Variants in C1orf198 observed in about 807,000 individuals in gnomAD.
C1orf198 encodes uncharacterized protein C1orf198.
In C1orf198, 17 loss-of-function variants were observed where a neutral mutation model predicts 31.4. The ratio of observed to expected loss-of-function variants is 0.54; its 90% CI spans 0.37 to 0.81. C1orf198 has a LOEUF of 0.81. Among genes scored for constraint, C1orf198 ranks in the 40% least tolerant of loss-of-function variants. The probability of loss-of-function intolerance (pLI) is 0.00; values close to 1 mark genes in which losing one functional copy is unlikely to be tolerated. For synonymous variants in C1orf198, 175 were observed against 193.8 expected, an observed-to-expected ratio of 0.90 and a Z score of 0.81; for missense variants, 401 against 450.3, an observed-to-expected ratio of 0.89 and a Z score of 0.99.
intron 2 of C1orf198, among the ~76,000 whole-genome samples, chr1:230,849,463 C>T (rs1408560064): frequency 2.6e-5 from 4 of 152,198 alleles, no homozygotes; most frequent in Admixed American, 2.6e-4. Context: ...GACGGCAACA[C>T]TGACAGCCCA....
At position 230,841,423 on chromosome 1, in the gene C1orf198, T is replaced by C. The variant is rs138340707; in HGVS notation, c.928-1515A>G. On this transcript the variant is annotated intron_variant, in intron 3 of 3. Coordinates refer to ENST00000366663, the MANE Select transcript of C1orf198 (RefSeq NM_032800.3). ...CTGCTCTGGGGGACATTCAATGTTA[T>C]CAGTGATGATCTCAACTCAACAACA... Among the ~76,000 whole-genome samples the C allele has an allele frequency of 1.4e-3, 217 of 152,308 alleles. 1 individual carries two copies. The highest frequency in any genetic ancestry group is 3.4e-3 in the Middle Eastern group (1 of 294).
chr1:230,849,412 A>G (rs1669680089), intron 2 of C1orf198, among the ~76,000 whole-genome samples: 1 of 152,178 alleles, frequency 6.6e-6, no homozygotes, highest in Non-Finnish European at 1.5e-5. Context: ...AGTCTTTGAG[A>G]CAGGGGAGAT....
intron 1 of C1orf198, among the ~76,000 whole-genome samples, chr1:230,863,380 C>A (rs1369814663): frequency 2.0e-5 from 3 of 152,188 alleles, no homozygotes; most frequent in Non-Finnish European, 4.4e-5. Flanking sequence ...ACAAATAGGT[C>A]TCATCTTCCT....
At chr1:230,868,061 G>A (rs1394558287) in intron 1 of C1orf198, 119 bp downstream of exon 1, 4 of 1,085,180 alleles carry the variant, frequency 3.7e-6, no homozygotes, top group Non-Finnish European at 4.8e-6. Flanking sequence ...TGCCATTCCT[G>A]CCTTTTCTTT....
intron 1 of C1orf198, among the ~76,000 whole-genome samples, chr1:230,866,145 T>C (rs1670115173): frequency 6.6e-6 from 1 of 152,222 alleles, no homozygotes; most frequent in Admixed American, 6.5e-5. Context: ...ATGAATGATC[T>C]CCTGGGGACA....
At chr1:230,854,540 A>C (rs1306173479) in intron 2 of C1orf198, among the ~76,000 whole-genome samples, 1 of 152,146 alleles carries the variant, frequency 6.6e-6, no homozygotes, top group African/African-American at 2.4e-5. Flanking sequence ...GGGAGACTAC[A>C]TTAATGCCAT....
intron 2 of C1orf198, among the ~76,000 whole-genome samples, chr1:230,852,841 A>C (rs1388658517): frequency 1.3e-5 from 2 of 152,274 alleles, no homozygotes; most frequent in African/African-American, 4.8e-5. Context: ...TCTTCTATCA[A>C]GAGGTGCAAT....
At chr1:230,865,830 G>A (rs1572141685) in intron 1 of C1orf198, among the ~76,000 whole-genome samples, 1 of 152,318 alleles carries the variant, frequency 6.6e-6, no homozygotes, top group East Asian at 1.9e-4. Context: ...CACCACATTT[G>A]GAGGCTGTAT....
chr1:230,852,999 T>C (rs1020702928), intron 2 of C1orf198, among the ~76,000 whole-genome samples: 1 of 152,168 alleles, frequency 6.6e-6, no homozygotes, highest in African/African-American at 2.4e-5. Context: ...TCTCCACCTC[T>C]GTGTGAAGAA....
At chr1:230,859,553 G>C (rs1572138022) in intron 1 of C1orf198, among the ~76,000 whole-genome samples, 1 of 152,134 alleles carries the variant, frequency 6.6e-6, no homozygotes, top group Admixed American at 6.5e-5. Context: ...GTGCAGAACA[G>C]AAAGATGCCC....
chr1:230,844,595 G>A (rs1242168138), intron 2 of C1orf198, among the ~76,000 whole-genome samples: 5 of 152,334 alleles, frequency 3.3e-5, no homozygotes, highest in African/African-American at 1.2e-4. Context: ...TATTACCGAT[G>A]AGTAAGGGCT....
intron 1 of C1orf198, among the ~76,000 whole-genome samples, chr1:230,864,727 G>A (rs767187110): frequency 6.6e-6 from 1 of 152,152 alleles, no homozygotes; most frequent in Non-Finnish European, 1.5e-5. Flanking sequence ...CCAGTCATCT[G>A]CTTAGGGCCC....
At chr1:230,864,740 C>T (rs1263663126) in intron 1 of C1orf198, among the ~76,000 whole-genome samples, 1 of 152,158 alleles carries the variant, frequency 6.6e-6, no homozygotes, top group African/African-American at 2.4e-5. Flanking sequence ...TAGGGCCCAT[C>T]TGGAGCCAAG....
Position 230,868,460 on chromosome 1 carries a change from C to T in C1orf198, c.53G>A (p.Gly18Glu). The change falls in exon 1 of 4, where the codon GGG becomes GAG. Residue 18 changes from glycine (G) to glutamate (E), a missense_variant. Physicochemically the swap from Gly to Glu is moderately conservative, Grantham distance 98. Coordinates refer to ENST00000366663, the MANE Select transcript of C1orf198 (RefSeq NM_032800.3). ...IAASRSAVMS[G>E]NRPLDDRERK... is the part of the protein sequence containing the mutation. ...CTCCCGGTCGTCCAGAGGCCGGTTC[C>T]CGCTCATGACCGCCGAGCGCGAAGC... 1 of 1,536,284 alleles carries T rather than the reference C, an allele frequency of 6.5e-7. No homozygotes were observed. Among genetic ancestry groups the T allele is most frequent in the Non-Finnish European group, 8.8e-7 (1 of 1,137,190 alleles).
chr1:230,837,833 A>G lies in C1orf198; in HGVS notation c.*2019T>C, dbSNP rs1467551909. ...TGGGTGCTGGGCCCCAGACGATACT[A>G]AGTGAGGCAGAAGCTTTCAATAATT... On this transcript the variant is annotated 3_prime_UTR_variant, in exon 4 of 4. Transcript: ENST00000366663. The G allele has an allele frequency of 6.6e-6, 1 of 152,256 alleles. No homozygotes were observed. Among genetic ancestry groups the G allele is most frequent in the African/African-American group, 2.4e-5 (1 of 41,472 alleles). The allele number at this position is 152,256 out of a possible 1,614,324, so 9.4% of individuals were successfully genotyped here. A position where few individuals can be genotyped will look rare whatever the true frequency, so the allele number is the denominator to read the frequency against.
Position 230,868,253 on chromosome 1 carries a change from TC to T in C1orf198, c.259del (p.Asp87ThrfsTer27). 2 of 1,566,096 alleles carry T rather than the reference TC, an allele frequency of 1.3e-6. No homozygotes were observed. The highest frequency in any genetic ancestry group is 8.6e-7 in the Non-Finnish European group (1 of 1,158,800). ...PRAPAPRDPG[D>X]SEELTRFPGL... is the part of the protein sequence containing the mutation. ...GGGGAAGCGCGTGAGCTCCTCCGAGTCCCCGGGGTCTCGGGGCGCCGGGGCG... is the reference window on the plus strand; with the variant it reads ...GGGGAAGCGCGTGAGCTCCTCCGAGTCCCGGGGTCTCGGGGCGCCGGGGCG... On this transcript the variant is annotated frameshift_variant, in exon 1 of 4. Coordinates refer to ENST00000366663, the MANE Select transcript of C1orf198 (RefSeq NM_032800.3). LOFTEE classifies it high-confidence loss of function.
chr1:230,847,512 C>G (rs1175804756), intron 2 of C1orf198, among the ~76,000 whole-genome samples: 1 of 152,156 alleles, frequency 6.6e-6, no homozygotes, highest in African/African-American at 2.4e-5. Flanking sequence ...TTGAGAGATT[C>G]TAAGCCTGAA....
In C1orf198 at chr1:230,843,841, G is replaced by A. The variant is rs369794287; in HGVS notation, c.440C>T (p.Thr147Ile). The A allele has an allele frequency of 2.6e-6, 4 of 1,548,520 alleles. No homozygotes were observed. The highest frequency in any genetic ancestry group is 2.6e-6 in the Non-Finnish European group (3 of 1,149,958). ...ALSIQEPSNG[T>I]AASEPRPLSK... ...CAGTGGTCTGGGCTCGCTGGCGGCG[G>A]TGCCGTTGCTCGGCTCCTGGATGGA... The change falls in exon 3 of 4, where the codon ACC becomes ATC. Residue 147 changes from threonine to isoleucine, a missense_variant. Transcript: ENST00000366663. This position sits in a 1 kb window ranked among gnomAD's most constrained non-coding sequence, Gnocchi z 4.9.
chr1:230,841,753 T>C (rs1413325905), intron 3 of C1orf198, among the ~76,000 whole-genome samples: 1 of 152,174 alleles, frequency 6.6e-6, no homozygotes, highest in Non-Finnish European at 1.5e-5. Flanking sequence ...AGAACCACCA[T>C]GTGATCCAGC....
Sources: allele counts gnomAD v4.1 joint callset (sites outside exome capture counted in the v4.1 genomes callset), GRCh38; gene constraint gnomAD v4.1.1; non-coding constraint Gnocchi (gnomAD v3.1); transcripts MANE v1.5; gene names NCBI Gene and HGNC (gene_info 2026-07-23, HGNC 2026-07-21).